Variants in CDK14 observed in about 807,000 individuals in gnomAD.
CDK14 encodes cyclin dependent kinase 14.
A neutral mutation model predicts 60.7 loss-of-function variants in CDK14; 34 were observed. The observed-to-expected ratio is 0.56, with a 90% CI of 0.43 to 0.75. CDK14 has a LOEUF of 0.75. CDK14 is among the 30% of genes least tolerant of loss of function. The probability of loss-of-function intolerance (pLI) is 0.00; values close to 1 mark genes in which losing one functional copy is unlikely to be tolerated. For synonymous variants in CDK14, 197 were observed against 203.7 expected, an observed-to-expected ratio of 0.97 and a Z score of 0.28; for missense variants, 482 against 564.1, an observed-to-expected ratio of 0.85 and a Z score of 1.47.
intron 4 of CDK14, among the ~76,000 whole-genome samples, chr7:90,751,279 G>C (rs1006933602): frequency 1.3e-5 from 2 of 151,930 alleles, no homozygotes; most frequent in Non-Finnish European, 2.9e-5. Flanking sequence ...AAAGAAAAAA[G>C]CAAGATCACA....
At chr7:90,987,774 G>T (rs989618740) in intron 10 of CDK14, among the ~76,000 whole-genome samples, 1 of 152,026 alleles carries the variant, frequency 6.6e-6, no homozygotes, top group African/African-American at 2.4e-5. Context: ...TGGGAGGAAT[G>T]ACTATTAAAT....
At chr7:90,951,818 A>G (rs1027323385) in intron 8 of CDK14, among the ~76,000 whole-genome samples, 1 of 152,130 alleles carries the variant, frequency 6.6e-6, no homozygotes, top group African/African-American at 2.4e-5. Context: ...CTGGAGTTAT[A>G]TTGAGTGCCT....
At chr7:90,616,366 T>C (rs990429363) in intron 2 of CDK14, among the ~76,000 whole-genome samples, 1 of 152,196 alleles carries the variant, frequency 6.6e-6, no homozygotes, top group African/African-American at 2.4e-5. Context: ...ACAAATTCTT[T>C]TGTGTTATAG....
rs751816082 is a variant in CDK14 at position 91,079,421 on chromosome 7, T to C, written c.1106-11T>C. On this transcript the variant is annotated splice_polypyrimidine_tract_variant and intron_variant, in intron 11 of 14. Coordinates refer to ENST00000380050, the MANE Select transcript of CDK14 (RefSeq NM_001287135.2). ...ACAAAGATTGTTTATCATTTTTCTT[T>C]TTTATTTCAGAACGCTTTACCCTGT... The C allele has an allele frequency of 1.9e-6, 3 of 1,566,492 alleles. No homozygotes were observed. Among genetic ancestry groups the C allele is most frequent in the Non-Finnish European group, 2.6e-6 (3 of 1,146,416 alleles).
intron 14 of CDK14, among the ~76,000 whole-genome samples, chr7:91,154,286 G>A (rs1375854530): frequency 6.6e-6 from 1 of 150,928 alleles, no homozygotes; most frequent in Non-Finnish European, 1.5e-5. Context: ...TCTGCTTGGT[G>A]TATTTTCCTT....
chr7:90,763,235 T>C (rs1267308622), intron 4 of CDK14, among the ~76,000 whole-genome samples: 1 of 152,176 alleles, frequency 6.6e-6, no homozygotes, highest in African/African-American at 2.4e-5. Flanking sequence ...ACTTTGTCGG[T>C]AATTGACAGA....
intron 10 of CDK14, among the ~76,000 whole-genome samples, chr7:90,984,854 C>G (rs2115648432): frequency 6.6e-6 from 1 of 152,290 alleles, no homozygotes; most frequent in South Asian, 2.1e-4. Flanking sequence ...GACAGACATT[C>G]TACAAAATAC....
chr7:90,683,033 C>T (rs1563043344), intron 2 of CDK14, among the ~76,000 whole-genome samples: 1 of 152,042 alleles, frequency 6.6e-6, no homozygotes, highest in Non-Finnish European at 1.5e-5. Context: ...TATTTTTTCC[C>T]CTTGCTACTG....
intron 2 of CDK14, among the ~76,000 whole-genome samples, chr7:90,635,096 T>C (rs1422147094): frequency 6.6e-6 from 1 of 152,078 alleles, no homozygotes; most frequent in African/African-American, 2.4e-5. Context: ...CTGTTCACTC[T>C]GATGGTAGTT....
At chr7:91,014,388 C>A (rs1193339797) in intron 10 of CDK14, among the ~76,000 whole-genome samples, 1 of 152,106 alleles carries the variant, frequency 6.6e-6, no homozygotes, top group Non-Finnish European at 1.5e-5. Context: ...TAATCCAGAA[C>A]AGAATTTGAT....
rs145006866 is a variant in CDK14 at position 90,841,849 on chromosome 7, C to T, written c.545-21326C>T. Among the ~76,000 whole-genome samples, 40 of 152,084 alleles carry T rather than the reference C, an allele frequency of 2.6e-4. 1 individual carries two copies. The highest frequency in any genetic ancestry group is 1.2e-3 in the East Asian group (6 of 5,168). On this transcript the variant is annotated intron_variant, in intron 5 of 14. Transcript: ENST00000380050. ...AGTGCCCACTCTGTGTTGGGCACTG[C>T]GGTAGGTGTTTCGCATGTCCTCATG... is the stretch of plus-strand genomic sequence containing the variant.
intron 9 of CDK14, among the ~76,000 whole-genome samples, chr7:90,970,756 C>G (rs17479017): frequency 0.15 from 22,254 of 152,170 alleles, 1,860 homozygotes; most frequent in Middle Eastern, 0.28. Context: ...CCTTTGGAGT[C>G]TCTTAGAAAT....
At chr7:90,744,440 T>C (rs1803490473) in intron 3 of CDK14, among the ~76,000 whole-genome samples, 1 of 152,216 alleles carries the variant, frequency 6.6e-6, no homozygotes, top group African/African-American at 2.4e-5. Flanking sequence ...ACCATCTGAT[T>C]TCTCAATCTT....
chr7:91,045,992 C>T lies in CDK14; in HGVS notation c.1105+32C>T, dbSNP rs115520440. On this transcript the variant is annotated intron_variant, in intron 11 of 14. Transcript: ENST00000380050. ...TTCATTAATTACAGATGACTAGGTG[C>T]TTCCTATATGCAAAAGGTGAGTATA... is the stretch of plus-strand genomic sequence containing the variant. 1,576 of 1,376,114 alleles carry T rather than the reference C, an allele frequency of 1.1e-3. 18 individuals are homozygous for T. The African/African-American group carries it at 0.018, about 15-fold the overall frequency. 85.2% of individuals were successfully genotyped at this position (1,376,114 alleles called of 1,614,324 possible).
At chr7:90,675,838 T>G (rs1331259918) in intron 2 of CDK14, among the ~76,000 whole-genome samples, 1 of 152,226 alleles carries the variant, frequency 6.6e-6, no homozygotes, top group Non-Finnish European at 1.5e-5. Context: ...TATATTTTGC[T>G]TACTTTTACA....
chr7:91,161,006 T>G (rs1337321563), intron 14 of CDK14, among the ~76,000 whole-genome samples: 12 of 152,154 alleles, frequency 7.9e-5, no homozygotes, highest in Admixed American at 3.9e-4. Context: ...CTCTGGGAGC[T>G]CAGAGTTTAA....
At chr7:91,173,737 C>T (rs1022924013) in intron 14 of CDK14, among the ~76,000 whole-genome samples, 6 of 152,168 alleles carry the variant, frequency 3.9e-5, no homozygotes, top group South Asian at 2.1e-4. Flanking sequence ...CCCAATACCG[C>T]GCTTTTCCGA....
chr7:90,877,835 G>A (rs953301681), intron 6 of CDK14, among the ~76,000 whole-genome samples: 10 of 152,064 alleles, frequency 6.6e-5, no homozygotes, highest in Non-Finnish European at 1.5e-4. Context: ...ATCAGATTTT[G>A]GCTAACTAAA....
intron 12 of CDK14, among the ~76,000 whole-genome samples, chr7:91,105,694 T>C (rs1035488382): frequency 9.2e-5 from 14 of 152,188 alleles, no homozygotes; most frequent in African/African-American, 3.1e-4. Context: ...AAAAAGTTAT[T>C]GCAAGTGAGG....
Sources: gnomAD v4.1 joint callset for allele counts (sites outside exome capture counted in the v4.1 genomes callset) on GRCh38, gnomAD v4.1.1 for gene constraint, MANE v1.5 for transcripts, NCBI Gene and HGNC (gene_info 2026-07-23, HGNC 2026-07-21) for gene names.